Variants in SLC22A17 observed in about 807,000 individuals in gnomAD.
The protein encoded by SLC22A17 is 24p3 receptor.
A neutral mutation model predicts 53.6 loss-of-function variants in SLC22A17; 38 were observed. The ratio of observed to expected loss-of-function variants is 0.71; its 90% CI spans 0.55 to 0.93. The LOEUF (loss-of-function observed/expected upper bound fraction) is 0.93, where lower values mean the gene tolerates loss of function less well. Among genes scored for constraint, SLC22A17 ranks in the 40% least tolerant of loss-of-function variants. The pLI is 0.00. For missense variants in SLC22A17, 704 were observed against 791.0 expected (o/e 0.89, Z 1.32); for synonymous variants, 379 against 353.0 (o/e 1.07, Z -0.82).
In SLC22A17 at chr14:23,352,151, G is replaced by T. The variant is rs564578176; in HGVS notation, c.397C>A (p.Pro133Thr). 1.4e-4 allele frequency: 227 copies of T among 1,565,932 alleles called. 1 individual carries two copies. The highest frequency in any genetic ancestry group is 1.3e-3 in the South Asian group (105 of 83,810). Residue 133 changes from proline to threonine, a missense_variant, in exon 2 of 10, where the codon CCT becomes ACT. Pro to Thr is a conservative substitution (Grantham distance 38, BLOSUM62 -1). This residue lies in a region of SLC22A17 where 435 missense variants were observed against 529.0 expected (regional missense o/e 0.82). Transcript: ENST00000397267. This position sits in a 1 kb window ranked among gnomAD's most constrained non-coding sequence, Gnocchi z 7.2. ...GGCTGCTCCCAGCCAGAGGCATTAGGGGGGAAGGCCCCGTAGTGGCAATGC... is the reference window on the plus strand; with the variant it reads ...GGCTGCTCCCAGCCAGAGGCATTAGTGGGGAAGGCCCCGTAGTGGCAATGC...
In SLC22A17 at chr14:23,352,490, G is replaced by A. The variant is rs901350376; in HGVS notation, c.97-39C>T. The A allele has an allele frequency of 4.7e-6, 2 of 429,358 alleles. No homozygotes were observed. Among genetic ancestry groups the A allele is most frequent in the Admixed American group, 4.3e-5 (1 of 23,434 alleles). 26.6% of individuals were successfully genotyped at this position (429,358 alleles called of 1,614,324 possible). A position where few individuals can be genotyped will look rare whatever the true frequency, so the allele number is the denominator to read the frequency against. ...GGGGGTGGCAGGAGAAGGGTGAAGC[G>A]GAGGAAACCGCAGAGCAAGGGCAGG... On this transcript the variant is annotated intron_variant, in intron 1 of 9. Transcript: ENST00000397267. This position sits in a 1 kb window ranked among gnomAD's most constrained non-coding sequence, Gnocchi z 7.2.
In SLC22A17 at chr14:23,348,327, G is replaced by T. The variant is rs942335858; in HGVS notation, c.1026-21C>A. The T allele has an allele frequency of 3.7e-6, 6 of 1,613,298 alleles. No individual in the cohort carries two copies. The Admixed American group carries it at 8.3e-5, about 22-fold the overall frequency. On this transcript the variant is annotated intron_variant, in intron 5 of 9. Transcript: ENST00000397267. This position sits in a 1 kb window ranked among gnomAD's most constrained non-coding sequence, Gnocchi z 4.5. ...GCCAGCTGGGGGCAGGGGGGAAGGG[G>T]TATACTGTGAGGCCTCCCTTCTCCT...
exon 3 of SLC22A17, chr14:23,351,773 A>T (rs1191129624): frequency 1.2e-6 from 2 of 1,613,676 alleles, no homozygotes; most frequent in Admixed American, 3.3e-5. Context: ...GTAACCCAGG[A>T]ACAGGTAGCC....
rs1316469477 is a variant in SLC22A17, at chr14:23,346,699, AG to A, written c.1898del (p.Pro633LeufsTer42). On this transcript the variant is annotated frameshift_variant, in exon 10 of 10. Coordinates refer to ENST00000397267, the Ensembl canonical transcript of SLC22A17. LOFTEE classifies it high-confidence loss of function. ...GCAGCGGGACGTGGTCACAGCGGGT[AG>A]GGGGTGGCTGCCGCAGCAGGGAAGG... 1.9e-6 allele frequency: 3 copies of A among 1,540,496 alleles called. No homozygotes were observed.
Position 23,352,794 on chromosome 14 carries a change from C to T in SLC22A17, c.-53G>A, listed in dbSNP as rs898845870. ...CCGCGCCGAAAGGATGCGCTGTCCT[C>T]TGGCTCAGTTGCGCGCCGGCTGCCC... On this transcript the variant is annotated 5_prime_UTR_variant, in exon 1 of 10. Coordinates refer to ENST00000397267, the Ensembl canonical transcript of SLC22A17. The surrounding 1 kb of genome is among the most constrained non-coding windows in gnomAD (Gnocchi z 7.2). 10 of 398,586 alleles carry T rather than the reference C, an allele frequency of 2.5e-5. No individual in the cohort carries two copies. Among genetic ancestry groups the T allele is most frequent in the Admixed American group, 2.2e-4 (5 of 22,706 alleles). 24.7% of individuals were successfully genotyped at this position (398,586 alleles called of 1,614,324 possible).
rs1889730794 is a variant in SLC22A17, at chr14:23,352,818, C to T, written c.-77G>A. On this transcript the variant is annotated 5_prime_UTR_variant, in exon 1 of 10. Transcript: ENST00000397267. This position sits in a 1 kb window ranked among gnomAD's most constrained non-coding sequence, Gnocchi z 7.2. ...TCTGGCTCAGTTGCGCGCCGGCTGC[C>T]CGGACACAGACAGCTCGAAGAGATC... 1 of 398,352 alleles carries T rather than the reference C, an allele frequency of 2.5e-6. No homozygotes were observed. The highest frequency in any genetic ancestry group is 2.1e-5 in the African/African-American group (1 of 48,620). 24.7% of individuals were successfully genotyped at this position (398,352 alleles called of 1,614,324 possible).
At chr14:23,350,435 T>C (rs140206416) in intron 3 of SLC22A17, among the ~76,000 whole-genome samples, 3 of 152,280 alleles carry the variant, frequency 2.0e-5, no homozygotes, top group African/African-American at 7.2e-5. Context: ...GAATAATCAG[T>C]AAGGATAAGG....
chr14:23,352,185 C>T lies in SLC22A17; in HGVS notation c.363G>A (p.Ala121=), dbSNP rs146482524. The T allele has an allele frequency of 5.9e-6, 9 of 1,517,010 alleles. No homozygotes were observed. Among genetic ancestry groups the T allele is most frequent in the African/African-American group, 2.8e-5 (2 of 71,246 alleles). 94.0% of individuals were successfully genotyped at this position (1,517,010 alleles called of 1,614,324 possible). Residue 121 remains alanine (A), a synonymous_variant, in exon 2 of 10, where the codon GCG becomes GCA. Coordinates refer to ENST00000397267, the Ensembl canonical transcript of SLC22A17. The surrounding 1 kb of genome is among the most constrained non-coding windows in gnomAD (Gnocchi z 7.2). ...CCCCGTAGTGGCAATGCAGCGGGGG[C>T]GCCAGCGTGAAGATGGGGTCCGAGG...
At position 23,347,471 on chromosome 14, in the gene SLC22A17, T is replaced by G. The variant is rs1326699217; in HGVS notation, c.1538A>C (p.Asn513Thr). Residue 513 changes from asparagine (N) to threonine (T), a missense_variant, in exon 8 of 10, where the codon AAC becomes ACC. Around this residue, in one of 4 missense-constraint regions of SLC22A17, gnomAD observed 435 missense variants for 529.0 expected, o/e 0.82. Coordinates refer to ENST00000397267, the Ensembl canonical transcript of SLC22A17. The surrounding 1 kb of genome is among the most constrained non-coding windows in gnomAD (Gnocchi z 5.1). The stretch of plus-strand genomic sequence containing the variant: ...CCTGTCTGAAGCACCTCTGTTGGGG[T>G]TCCCTTGTTGAGCCCACACTGTGGG... 1.2e-6 allele frequency: 2 copies of G among 1,613,492 alleles called. No individual in the cohort carries two copies. The highest frequency in any genetic ancestry group is 2.7e-5 in the African/African-American group (2 of 74,844).
At position 23,348,320 on chromosome 14, in the gene SLC22A17, G is replaced by T; in HGVS notation, c.1026-14C>A. On this transcript the variant is annotated splice_polypyrimidine_tract_variant and intron_variant, in intron 5 of 9. Transcript: ENST00000397267. This position sits in a 1 kb window ranked among gnomAD's most constrained non-coding sequence, Gnocchi z 4.5. Reference sequence around the variant, plus strand: ...AAACCAGGCCAGCTGGGGGCAGGGGGGAAGGGGTATACTGTGAGGCCTCCC... The same window carrying T: ...AAACCAGGCCAGCTGGGGGCAGGGGTGAAGGGGTATACTGTGAGGCCTCCC... The T allele has an allele frequency of 1.2e-6, 2 of 1,613,824 alleles. No homozygotes were observed. Among genetic ancestry groups the T allele is most frequent in the Non-Finnish European group, 1.7e-6 (2 of 1,179,838 alleles).
In SLC22A17 at chr14:23,348,261, C is replaced by A. The variant is rs1269404334; in HGVS notation, c.1071G>T (p.Lys357Asn). 6.2e-7 allele frequency: 1 copy of A among 1,614,150 alleles called. No homozygotes were observed. Among genetic ancestry groups the A allele is most frequent in the Admixed American group, 1.7e-5 (1 of 60,028 alleles). The change falls in exon 6 of 10, where the codon AAG (lysine) becomes AAT (asparagine). Residue 357 changes from lysine (K) to asparagine (N), a missense_variant. By Grantham distance (94) the Lys-to-Asn change is moderately conservative. Transcript: ENST00000397267. This position sits in a 1 kb window ranked among gnomAD's most constrained non-coding sequence, Gnocchi z 4.5. ...CAGACTGAGCCTCCTCAATCTGCCG[C>A]TTCACTATCAGCCACCGTGCGGACT...
chr14:23,352,236 C>T lies in SLC22A17; in HGVS notation c.312G>A (p.Pro104=). 6 of 1,454,022 alleles carry T rather than the reference C, an allele frequency of 4.1e-6. No homozygotes were observed. Among genetic ancestry groups the T allele is most frequent in the Non-Finnish European group, 5.4e-6 (6 of 1,106,918 alleles). The allele number at this position is 1,454,022 out of a possible 1,614,324, so 90.1% of individuals were successfully genotyped here. A position where few individuals can be genotyped will look rare whatever the true frequency, so the allele number is the denominator to read the frequency against. The change falls in exon 2 of 10, where the codon CCG becomes CCA. Residue 104 remains proline (P), a synonymous_variant. Coordinates refer to ENST00000397267, the Ensembl canonical transcript of SLC22A17. This position sits in a 1 kb window ranked among gnomAD's most constrained non-coding sequence, Gnocchi z 7.2. ...CCATGCCCAGAGCCACGAAGAGCAC[C>T]GGCAGGCAGCAGAGGCCGAGCTGCA...
chr14:23,352,680 T>A lies in SLC22A17; in HGVS notation c.62A>T (p.Asp21Val). 1 of 398,280 alleles carries A rather than the reference T, an allele frequency of 2.5e-6. No individual in the cohort carries two copies. Among genetic ancestry groups the A allele is most frequent in the Non-Finnish European group, 4.4e-6 (1 of 225,886 alleles). 24.7% of individuals were successfully genotyped at this position (398,280 alleles called of 1,614,324 possible). Residue 21 changes from aspartate (D) to valine (V), a missense_variant, in exon 1 of 10, where the codon GAC becomes GTC. Around this residue, in one of 4 missense-constraint regions of SLC22A17, gnomAD observed 42 missense variants for 28.2 expected, o/e 1.49. Transcript: ENST00000397267. The surrounding 1 kb of genome is among the most constrained non-coding windows in gnomAD (Gnocchi z 7.2). ...GGTGGGGGTGATCTCTACAGTGTTG[T>A]CGATTTTGCCGCCGCCCCCGCCATT...
At position 23,347,433 on chromosome 14, in the gene SLC22A17, A is replaced by C; in HGVS notation, c.1549+27T>G. The stretch of plus-strand genomic sequence containing the variant: ...CTTGTCTTGGGAGGCCTGTGCCAGA[A>C]GAAATGGCTGTGCCTGTCTGAAGCA... On this transcript the variant is annotated intron_variant, in intron 8 of 9. Coordinates refer to ENST00000397267, the Ensembl canonical transcript of SLC22A17. This position sits in a 1 kb window ranked among gnomAD's most constrained non-coding sequence, Gnocchi z 5.1. The C allele has an allele frequency of 1.2e-6, 2 of 1,606,566 alleles. No homozygotes were observed. The highest frequency in any genetic ancestry group is 4.5e-5 in the East Asian group (2 of 44,742).
rs1477095093 is a variant in SLC22A17, at chr14:23,348,241, T to C, written c.1091A>G (p.Gln364Arg). 6.2e-7 allele frequency: 1 copy of C among 1,614,018 alleles called. No homozygotes were observed. The highest frequency in any genetic ancestry group is 8.5e-7 in the Non-Finnish European group (1 of 1,180,012). The change falls in exon 6 of 10, where the codon CAG (glutamine) becomes CGG (arginine). Residue 364 changes from glutamine to arginine, a missense_variant. Gln to Arg is a conservative substitution (Grantham distance 43, BLOSUM62 1). Transcript: ENST00000397267. The surrounding 1 kb of genome is among the most constrained non-coding windows in gnomAD (Gnocchi z 4.5). Reference sequence around the variant, plus strand: ...CTCAGCCAGGATCCTCAGCACAGACTGAGCCTCCTCAATCTGCCGCTTCAC... The same window carrying C: ...CTCAGCCAGGATCCTCAGCACAGACCGAGCCTCCTCAATCTGCCGCTTCAC...
In SLC22A17 at chr14:23,348,703, G is replaced by C; in HGVS notation, c.860-32C>G. 6.4e-7 allele frequency: 1 copy of C among 1,568,824 alleles called. No homozygotes were observed. The highest frequency in any genetic ancestry group is 8.6e-7 in the Non-Finnish European group (1 of 1,159,312). On this transcript the variant is annotated intron_variant, in intron 4 of 9. Coordinates refer to ENST00000397267, the Ensembl canonical transcript of SLC22A17. This position sits in a 1 kb window ranked among gnomAD's most constrained non-coding sequence, Gnocchi z 4.5. ...ATACAGCAGGGGTGGAGAGAGGAGA[G>C]GGAGGCCAGGGAGGAAGAAGGCATA...
Position 23,347,374 on chromosome 14 carries a change from G to A in SLC22A17, c.1549+86C>T. On this transcript the variant is annotated intron_variant, in intron 8 of 9. Coordinates refer to ENST00000397267, the Ensembl canonical transcript of SLC22A17. The surrounding 1 kb of genome is among the most constrained non-coding windows in gnomAD (Gnocchi z 5.1). ...AGCAGATGGGGCTGTGGGGCCAGGT[G>A]GAGGCTCGTGGAAGAGCTGGGCAGG... 1 of 1,541,156 alleles carries A rather than the reference G, an allele frequency of 6.5e-7. No individual in the cohort carries two copies. Among genetic ancestry groups the A allele is most frequent in the Non-Finnish European group, 8.8e-7 (1 of 1,139,890 alleles).
Position 23,347,700 on chromosome 14 carries a change from G to C in SLC22A17, c.1309C>G (p.Gln437Glu), listed in dbSNP as rs1159844906. 1.4e-5 allele frequency: 22 copies of C among 1,613,784 alleles called. No homozygotes were observed. Among genetic ancestry groups the C allele is most frequent in the Non-Finnish European group, 1.8e-5 (21 of 1,180,010 alleles). Residue 437 changes from glutamine (Q) to glutamate (E), a missense_variant, in exon 8 of 10, where the codon CAG becomes GAG. Physicochemically the swap from Gln to Glu is conservative, Grantham distance 29 (BLOSUM62 2). This residue lies in a region of SLC22A17 where 435 missense variants were observed against 529.0 expected (regional missense o/e 0.82). Transcript: ENST00000397267. This position sits in a 1 kb window ranked among gnomAD's most constrained non-coding sequence, Gnocchi z 5.1. Reference sequence around the variant, plus strand: ...GGGCTCCCTCCTCCTCCCACAGGCTGGTAGCAGTGGCGAATGGCATGGGCA... The same window carrying C: ...GGGCTCCCTCCTCCTCCCACAGGCTCGTAGCAGTGGCGAATGGCATGGGCA...
rs761585012 is a variant in SLC22A17, at chr14:23,348,015, A to T, written c.1172-19T>A. 4 of 1,612,138 alleles carry T rather than the reference A, an allele frequency of 2.5e-6. No individual in the cohort carries two copies. The East Asian group carries it at 8.9e-5, about 36-fold the overall frequency. On this transcript the variant is annotated intron_variant, in intron 6 of 9. Transcript: ENST00000397267. The surrounding 1 kb of genome is among the most constrained non-coding windows in gnomAD (Gnocchi z 4.5). ...TCCAGGTCTTTGGGAGAGAGAGAGG[A>T]GCTGTCAGAAGAAAACCCTGAGATC...
Sources: gnomAD v4.1 joint callset for allele counts (sites outside exome capture counted in the v4.1 genomes callset) on GRCh38, gnomAD v4.1.1 for gene constraint, gnomAD v4.1.1 regional missense constraint, Gnocchi (gnomAD v3.1) non-coding constraint, MANE v1.5 for transcripts, NCBI Gene and HGNC (gene_info 2026-07-23, HGNC 2026-07-21) for gene names.